Variants in STK24 observed in about 807,000 individuals in gnomAD.
STK24 encodes serine/threonine-protein kinase 24.
STK24 carries 21 observed loss-of-function variants against 55.6 expected under a neutral mutation model. That is an observed-to-expected ratio of 0.38 (90% confidence interval 0.27 to 0.54). STK24 has a LOEUF of 0.54. Among genes scored for constraint, STK24 ranks in the 20% least tolerant of loss-of-function variants. STK24 has a pLI of 0.79. For synonymous variants in STK24, 200 were observed against 215.2 expected, an observed-to-expected ratio of 0.93 and a Z score of 0.62; for missense variants, 383 against 538.4, an observed-to-expected ratio of 0.71 and a Z score of 2.86.
At chr13:98,543,329 C>T (rs1029190154) in intron 1 of STK24, among the ~76,000 whole-genome samples, 3 of 152,236 alleles carry the variant, frequency 2.0e-5, no homozygotes, top group South Asian at 2.1e-4. Flanking sequence ...AACTTTGATT[C>T]GGCACTCAGA....
chr13:98,487,446 C>A (rs1302205410), intron 2 of STK24, among the ~76,000 whole-genome samples: 2 of 152,030 alleles, frequency 1.3e-5, no homozygotes, highest in African/African-American at 4.8e-5. Context: ...TTAAAAGGTG[C>A]CAAAGTATAT....
At chr13:98,503,041 T>TTTTTTTTTTTTTTA (rs1555306354) in intron 2 of STK24, among the ~76,000 whole-genome samples, 2 of 148,812 alleles carry the variant, frequency 1.3e-5, no homozygotes, top group African/African-American at 5.1e-5. Context: ...TTTTTTTTTT[T>TTTTTTTTTTTTTTA]CAGTATGGTA....
chr13:98,549,827 T>C (rs1446587626), intron 1 of STK24, among the ~76,000 whole-genome samples: 2 of 152,176 alleles, frequency 1.3e-5, no homozygotes, highest in African/African-American at 2.4e-5. Context: ...CATCAGCTAA[T>C]CACCTAATCA....
At chr13:98,468,481 G>A (rs1433908965) in intron 5 of STK24, among the ~76,000 whole-genome samples, 3 of 152,202 alleles carry the variant, frequency 2.0e-5, no homozygotes, top group Non-Finnish European at 4.4e-5. Flanking sequence ...CTGTGGCAGC[G>A]ACAGGAGGAC....
intron 1 of STK24, among the ~76,000 whole-genome samples, chr13:98,544,454 C>G (rs1347721871): frequency 2.0e-5 from 3 of 152,256 alleles, no homozygotes. Flanking sequence ...AGCAAGGGCC[C>G]TACTGGGAGT....
intron 4 of STK24, 25 bp downstream of exon 4, chr13:98,475,225 G>A: frequency 6.3e-7 from 1 of 1,578,758 alleles, no homozygotes; most frequent in African/African-American, 1.4e-5. Flanking sequence ...GTATTTCAAA[G>A]GAATGAAAAC....
intron 1 of STK24, 72 bp from the exon 2 acceptor site, chr13:98,519,545 G>A: frequency 2.5e-6 from 3 of 1,205,450 alleles, no homozygotes; most frequent in Non-Finnish European, 3.6e-6. Flanking sequence ...TCAATTTTAT[G>A]TGTAATGTTA....
chr13:98,546,904 T>G lies in STK24; in HGVS notation c.43-27431A>C, dbSNP rs201844025. Among the ~76,000 whole-genome samples, 636 of 122,604 alleles carry G rather than the reference T, an allele frequency of 5.2e-3. 4 individuals carry two copies. The highest frequency in any genetic ancestry group is 0.016 in the African/African-American group (533 of 33,268). 80.4% of individuals were successfully genotyped at this position (122,604 alleles called of 152,430 possible). A position where few individuals can be genotyped will look rare whatever the true frequency, so the allele number is the denominator to read the frequency against. On this transcript the variant is annotated intron_variant, in intron 1 of 10. Coordinates refer to ENST00000539966, the MANE Select transcript of STK24 (RefSeq NM_001032296.4). ...CTTCCTTCCATATCTAATTGTTGTT[T>G]TTTTTTGTTTGTTTGTTTGTTTTTG...
chr13:98,547,820 T>G (rs1001691492), intron 1 of STK24, among the ~76,000 whole-genome samples: 2 of 152,264 alleles, frequency 1.3e-5, no homozygotes, highest in Admixed American at 1.3e-4. Context: ...ATACATGATG[T>G]GCAAGCACCT....
chr13:98,508,683 G>A (rs1310403677), intron 2 of STK24: 3 of 152,170 alleles, frequency 2.0e-5, no homozygotes, highest in Non-Finnish European at 4.4e-5. Context: ...CATGCCATAC[G>A]AGCTATGGCA....
In STK24 at chr13:98,450,739, T is replaced by C. The variant is rs555171930; in HGVS notation, c.*2434A>G. 3 of 152,276 alleles carry C rather than the reference T, an allele frequency of 2.0e-5. No individual in the cohort carries two copies. Among genetic ancestry groups the C allele is most frequent in the Admixed American group, 6.5e-5 (1 of 15,286 alleles). 9.4% of individuals were successfully genotyped at this position (152,276 alleles called of 1,614,324 possible). On this transcript the variant is annotated 3_prime_UTR_variant, in exon 11 of 11. Coordinates refer to ENST00000539966, the MANE Select transcript of STK24 (RefSeq NM_001032296.4). ...GGGCCTGGCTACAGACCAGCAGCAG[T>C]TGACGCTGAGGCAGGTTCCAGTGGT... is the stretch of plus-strand genomic sequence containing the variant.
intron 1 of STK24, among the ~76,000 whole-genome samples, chr13:98,550,495 C>G (rs111938290): frequency 1.3e-5 from 2 of 152,222 alleles, no homozygotes; most frequent in African/African-American, 4.8e-5. Flanking sequence ...CACCACTGCA[C>G]TCCAGCCTGG....
chr13:98,570,696 C>T (rs1025889281), intron 1 of STK24, among the ~76,000 whole-genome samples: 3 of 152,170 alleles, frequency 2.0e-5, no homozygotes, highest in African/African-American at 4.8e-5. Flanking sequence ...CAAGCAAAGG[C>T]ATATCTCAGT....
At chr13:98,495,578 T>C (rs555309699) in intron 2 of STK24, among the ~76,000 whole-genome samples, 12 of 152,242 alleles carry the variant, frequency 7.9e-5, no homozygotes, top group Non-Finnish European at 1.3e-4. Flanking sequence ...TTTAATTCCA[T>C]TCAACTTTCT....
intron 1 of STK24, among the ~76,000 whole-genome samples, chr13:98,535,334 T>A (rs1896686190): frequency 8.4e-6 from 1 of 119,018 alleles, no homozygotes; most frequent in African/African-American, 3.2e-5. Context: ...CGAAACTCTG[T>A]CTCAAACAAA....
intron 1 of STK24, among the ~76,000 whole-genome samples, chr13:98,533,005 C>T (rs780827807): frequency 1.3e-5 from 2 of 152,148 alleles, no homozygotes; most frequent in African/African-American, 2.4e-5. Context: ...AATAAATATC[C>T]TACAGTATTT....
At chr13:98,514,653 A>T (rs1472226372) in intron 2 of STK24, among the ~76,000 whole-genome samples, 2 of 152,206 alleles carry the variant, frequency 1.3e-5, no homozygotes, top group African/African-American at 4.8e-5. Context: ...ACTACAACAA[A>T]AACTACTATG....
Position 98,482,762 on chromosome 13 carries a change from C to G in STK24, c.274-441G>C, listed in dbSNP as rs549017454. On this transcript the variant is annotated intron_variant, in intron 2 of 10. Coordinates refer to ENST00000539966, the MANE Select transcript of STK24 (RefSeq NM_001032296.4). The stretch of plus-strand genomic sequence containing the variant: ...TCTCCTCTTCCTCCCTCCTGCAGCA[C>G]TGAGCCTCCCCTGCGCCCCCCACCC... Among the ~76,000 whole-genome samples the G allele has an allele frequency of 3.3e-5, 5 of 152,342 alleles. No individual in the cohort carries two copies. The South Asian group carries it at 8.3e-4, about 25-fold the overall frequency.
chr13:98,516,290 T>C (rs1250682498), intron 2 of STK24, among the ~76,000 whole-genome samples: 1 of 152,234 alleles, frequency 6.6e-6, no homozygotes, highest in African/African-American at 2.4e-5. Context: ...GCCACGTTCT[T>C]CCAGGCATTC....
Sources: allele counts gnomAD v4.1 joint callset (sites outside exome capture counted in the v4.1 genomes callset), GRCh38; gene constraint gnomAD v4.1.1; transcripts MANE v1.5; gene names NCBI Gene and HGNC (gene_info 2026-07-23, HGNC 2026-07-21).